The following GRM8 variants were observed in gnomAD, a reference collection of about 807,000 sequenced individuals.
GRM8 encodes the protein metabotropic glutamate receptor 8.
In GRM8, 47 loss-of-function variants were observed where a neutral mutation model predicts 87.2. The observed-to-expected ratio is 0.54, with a 90% CI of 0.43 to 0.69. GRM8 has a LOEUF of 0.69. GRM8 is among the 30% of genes least tolerant of loss of function. GRM8 has a pLI of 0.00. For synonymous variants in GRM8, 396 were observed against 404.5 expected (o/e 0.98, Z 0.25); for missense variants, 1,019 against 1,139.2 (o/e 0.89, Z 1.52).
intron 3 of GRM8, among the ~76,000 whole-genome samples, chr7:127,104,728 C>T (rs1236681389): frequency 1.3e-5 from 2 of 152,144 alleles, no homozygotes; most frequent in African/African-American, 2.4e-5. Context: ...TTCTCCCATG[C>T]TAATGACTAT....
At chr7:127,237,514 T>C (rs1587352903) in intron 2 of GRM8, among the ~76,000 whole-genome samples, 2 of 152,220 alleles carry the variant, frequency 1.3e-5, no homozygotes, top group East Asian at 3.9e-4. Flanking sequence ...TTCATAAACA[T>C]AGCAGGGTAG....
At chr7:127,164,212 T>A (rs778100676) in intron 2 of GRM8, among the ~76,000 whole-genome samples, 11 of 152,134 alleles carry the variant, frequency 7.2e-5, no homozygotes, top group Non-Finnish European at 1.6e-4. Flanking sequence ...ACAATGTTTG[T>A]AAGTTTCCTG....
chr7:126,990,558 G>T (rs1812558337), intron 3 of GRM8, among the ~76,000 whole-genome samples: 3 of 152,158 alleles, frequency 2.0e-5, no homozygotes, highest in African/African-American at 7.2e-5. Flanking sequence ...GCTTGATGTG[G>T]GAATAAAAGA....
chr7:126,664,171 A>T (rs1179922777), intron 7 of GRM8, among the ~76,000 whole-genome samples: 1 of 152,230 alleles, frequency 6.6e-6, no homozygotes, highest in Non-Finnish European at 1.5e-5. Flanking sequence ...TTCCATGCTC[A>T]TGGATTAGAA....
chr7:127,189,102 T>C (rs1370091682), intron 2 of GRM8, among the ~76,000 whole-genome samples: 1 of 152,196 alleles, frequency 6.6e-6, no homozygotes, highest in Admixed American at 6.5e-5. Flanking sequence ...CTCTTTCCAG[T>C]GTGGCATTTC....
At chr7:127,160,370 C>A (rs1417407137) in intron 2 of GRM8, among the ~76,000 whole-genome samples, 6 of 152,014 alleles carry the variant, frequency 3.9e-5, no homozygotes, top group African/African-American at 1.2e-4. Context: ...CAAAAACTAG[C>A]AAATAAAAAT....
intron 3 of GRM8, among the ~76,000 whole-genome samples, chr7:126,994,436 T>A (rs879319611): frequency 1.3e-5 from 2 of 152,132 alleles, no homozygotes; most frequent in Admixed American, 1.3e-4. Flanking sequence ...AGTGGGCTCT[T>A]AGGGATCCCT....
At chr7:126,910,817 T>C (rs530959012) in intron 3 of GRM8, among the ~76,000 whole-genome samples, 1 of 152,290 alleles carries the variant, frequency 6.6e-6, no homozygotes, top group Admixed American at 6.5e-5. Context: ...ATATGAGAGA[T>C]AAAAGGCTTG....
chr7:127,240,365 T>C (rs1345492842), intron 2 of GRM8, among the ~76,000 whole-genome samples: 1 of 150,754 alleles, frequency 6.6e-6, no homozygotes, highest in Admixed American at 6.6e-5. Flanking sequence ...TCATTAAATA[T>C]ACCCAACAAT....
At chr7:126,898,329 A>G (rs994389571) in intron 6 of GRM8, among the ~76,000 whole-genome samples, 9 of 152,196 alleles carry the variant, frequency 5.9e-5, no homozygotes, top group South Asian at 2.1e-4. Context: ...CCCCTAAAAC[A>G]GAAATGAAAA....
intron 7 of GRM8, among the ~76,000 whole-genome samples, chr7:126,653,521 T>C (rs184173505): frequency 7.2e-5 from 11 of 152,270 alleles, no homozygotes; most frequent in African/African-American, 2.6e-4. Context: ...AGAAGAAAAT[T>C]ACATTGATTG....
At chr7:126,445,821 G>A (rs1466844085) in intron 10 of GRM8, among the ~76,000 whole-genome samples, 1 of 152,006 alleles carries the variant, frequency 6.6e-6, no homozygotes, top group Non-Finnish European at 1.5e-5. Context: ...AGTACTAAAA[G>A]ATAATTTTTA....
chr7:126,960,484 A>G lies in GRM8; in HGVS notation c.728-55801T>C, dbSNP rs2283087. Among the ~76,000 whole-genome samples, 14 of 152,344 alleles carry G rather than the reference A, an allele frequency of 9.2e-5. No homozygotes were observed. In the East Asian group the frequency reaches 2.7e-3, roughly 29 times the overall value. On this transcript the variant is annotated intron_variant, in intron 3 of 10. Transcript: ENST00000339582. ...AAACAATAAACTAACATTATGGCCCAAAGACTATACTATTCTTAGAATGTT... is the reference window on the plus strand; with the variant it reads ...AAACAATAAACTAACATTATGGCCCGAAGACTATACTATTCTTAGAATGTT...
chr7:127,032,410 G>C (rs1354644979), intron 3 of GRM8, among the ~76,000 whole-genome samples: 1 of 152,124 alleles, frequency 6.6e-6, no homozygotes, highest in Non-Finnish European at 1.5e-5. Flanking sequence ...TTTCAGAGGA[G>C]TGAGCTCTTT....
At chr7:126,583,898 A>G (rs1210618192) in intron 8 of GRM8, among the ~76,000 whole-genome samples, 1 of 152,238 alleles carries the variant, frequency 6.6e-6, no homozygotes, top group African/African-American at 2.4e-5. Context: ...CCAATTTCAA[A>G]GTAAGTTCTA....
At chr7:126,901,027 C>T (rs992269282) in intron 6 of GRM8, among the ~76,000 whole-genome samples, 56 of 152,316 alleles carry the variant, frequency 3.7e-4, no homozygotes, top group African/African-American at 1.3e-3. Flanking sequence ...AACTCTGGAA[C>T]TTCTGGAAAG....
intron 3 of GRM8, among the ~76,000 whole-genome samples, chr7:127,076,725 C>T (rs888731595): frequency 1.1e-4 from 16 of 152,166 alleles, no homozygotes; most frequent in African/African-American, 3.1e-4. Flanking sequence ...TCTTGGCCAT[C>T]GTGTCCATTC....
intron 7 of GRM8, among the ~76,000 whole-genome samples, chr7:126,686,619 C>CGCA (rs61261950): frequency 0.059 from 8,956 of 152,234 alleles, 794 homozygotes; most frequent in African/African-American, 0.19. Flanking sequence ...CTGCCTGCCC[C>CGCA]GCAGCAGCAG....
intron 3 of GRM8, among the ~76,000 whole-genome samples, chr7:126,997,042 A>G (rs1403872860): frequency 6.6e-6 from 1 of 152,020 alleles, no homozygotes; most frequent in Non-Finnish European, 1.5e-5. Flanking sequence ...CAGGCTACAA[A>G]ACAAGTCTTA....
Sources: gnomAD v4.1 joint callset for allele counts (sites outside exome capture counted in the v4.1 genomes callset) on GRCh38, gnomAD v4.1.1 for gene constraint, MANE v1.5 for transcripts, NCBI Gene and HGNC (gene_info 2026-07-23, HGNC 2026-07-21) for gene names.